Variants in KIF21A observed in about 807,000 individuals in gnomAD.
KIF21A encodes kinesin-like protein KIF21A.
Under a neutral mutation model 202.9 loss-of-function variants are expected in KIF21A, and 114 were observed. The ratio of observed to expected loss-of-function variants is 0.56; its 90% CI spans 0.48 to 0.66. KIF21A has a LOEUF of 0.66. Ranked by LOEUF, KIF21A falls within the 30% of genes least tolerant of loss-of-function variation. The pLI is 0.00. For synonymous variants in KIF21A, 667 were observed against 670.8 expected, an observed-to-expected ratio of 0.99 and a Z score of 0.09; for missense variants, 1,677 against 1,994.9, an observed-to-expected ratio of 0.84 and a Z score of 3.04.
Position 39,322,696 on chromosome 12 carries a change from G to GT in KIF21A, c.3642dup (p.Pro1215ThrfsTer6). On this transcript the variant is annotated frameshift_variant, in exon 27 of 38. Coordinates refer to ENST00000361418, the MANE Select transcript of KIF21A (RefSeq NM_001173464.2). LOFTEE classifies it high-confidence loss of function. Reference sequence around the variant, plus strand: ...CTGCCTATCTTAGAAGGTAAGCCAGGTGGGGGAGAGAGCTCTTTTTCCCTA... The same window carrying GT: ...CTGCCTATCTTAGAAGGTAAGCCAGGTTGGGGGAGAGAGCTCTTTTTCCCTA... The GT allele has an allele frequency of 6.2e-7, 1 of 1,614,098 alleles. No individual in the cohort carries two copies.
chr12:39,313,224 G>T (rs1944200847), intron 31 of KIF21A, among the ~76,000 whole-genome samples: 1 of 151,644 alleles, frequency 6.6e-6, no homozygotes, highest in Non-Finnish European at 1.5e-5. Context: ...TCAAAAAAAG[G>T]GACAAAACAT....
In KIF21A at chr12:39,303,112, A is replaced by G; in HGVS notation, c.4584T>C (p.Ala1528=). The part of the protein sequence containing the change: ...YIKMFDVTEG[A]LGTVSPTHNF... ...TGTGGGTGGGACTCACAGTCCCAAG[A>G]GCTCCTTCTGTAACATCAAACATCT... The change falls in exon 36 of 38, where the codon GCT becomes GCC. Residue 1528 remains alanine (A), a synonymous_variant. Coordinates refer to ENST00000361418, the MANE Select transcript of KIF21A (RefSeq NM_001173464.2). 6.2e-7 allele frequency: 1 copy of G among 1,614,070 alleles called. No individual in the cohort carries two copies. Among genetic ancestry groups the G allele is most frequent in the Non-Finnish European group, 8.5e-7 (1 of 1,179,960 alleles).
At chr12:39,384,426 C>G (rs1566082500) in intron 1 of KIF21A, among the ~76,000 whole-genome samples, 1 of 152,152 alleles carries the variant, frequency 6.6e-6, no homozygotes, top group Non-Finnish European at 1.5e-5. Flanking sequence ...GACAAGAAAG[C>G]TCGACAGAAG....
At chr12:39,349,296 T>A (rs775406219) in intron 11 of KIF21A, among the ~76,000 whole-genome samples, 15 of 152,202 alleles carry the variant, frequency 9.9e-5, no homozygotes, top group Non-Finnish European at 1.2e-4. Context: ...GCTGAGAAAT[T>A]TGGACATCAT....
intron 1 of KIF21A, among the ~76,000 whole-genome samples, chr12:39,434,577 G>C (rs568843191): frequency 3.7e-4 from 56 of 152,238 alleles, no homozygotes; most frequent in African/African-American, 1.2e-3. Context: ...TTTATCAGGG[G>C]TAAGAGTCTA....
chr12:39,411,789 G>A (rs956377461), intron 1 of KIF21A, among the ~76,000 whole-genome samples: 8 of 151,964 alleles, frequency 5.3e-5, no homozygotes, highest in African/African-American at 1.2e-4. Context: ...CTCCCTCTTC[G>A]GCTTCTCGAA....
chr12:39,357,831 C>A (rs1255283478), intron 8 of KIF21A, among the ~76,000 whole-genome samples: 1 of 139,474 alleles, frequency 7.2e-6, no homozygotes, highest in Non-Finnish European at 1.5e-5. Flanking sequence ...AATCATTTAA[C>A]CCGGGAGGCG....
intron 1 of KIF21A, among the ~76,000 whole-genome samples, chr12:39,377,207 A>G (rs1440463790): frequency 6.6e-6 from 1 of 152,144 alleles, no homozygotes; most frequent in Non-Finnish European, 1.5e-5. Flanking sequence ...CCTAGAGAAC[A>G]CCAATAAATC....
intron 1 of KIF21A, among the ~76,000 whole-genome samples, chr12:39,391,253 T>A (rs1457862144): frequency 6.6e-6 from 1 of 152,172 alleles, no homozygotes; most frequent in Non-Finnish European, 1.5e-5. Flanking sequence ...ATTTGGTTCT[T>A]AAGTTTTAGG....
At chr12:39,405,950 T>A (rs965033812) in intron 1 of KIF21A, among the ~76,000 whole-genome samples, 4 of 152,208 alleles carry the variant, frequency 2.6e-5, no homozygotes, top group African/African-American at 9.6e-5. Flanking sequence ...TTTTATTTTG[T>A]GTAGAAGAAA....
intron 21 of KIF21A, chr12:39,331,992 A>T (rs1233134049): frequency 4.5e-6 from 3 of 660,994 alleles, no homozygotes; most frequent in East Asian, 5.4e-5. Context: ...TCAAGGTGGG[A>T]TGTAAAGATG....
chr12:39,417,731 T>C (rs75103181), intron 1 of KIF21A, among the ~76,000 whole-genome samples: 7,897 of 152,076 alleles, frequency 0.052, 235 homozygotes, highest in Middle Eastern at 0.082. Context: ...GGTCAGGTAT[T>C]GAATAATTTA....
At chr12:39,420,494 A>T (rs1954163441) in intron 1 of KIF21A, among the ~76,000 whole-genome samples, 3 of 152,156 alleles carry the variant, frequency 2.0e-5, no homozygotes, top group Non-Finnish European at 4.4e-5. Context: ...TTAAAAAAAA[A>T]ATCTGCTCTT....
rs1461885716 is a variant in KIF21A at position 39,351,985 on chromosome 12, C to T, written c.1470-5G>A. On this transcript the variant is annotated splice_polypyrimidine_tract_variant and splice_region_variant and intron_variant, in intron 10 of 37. Coordinates refer to ENST00000361418, the MANE Select transcript of KIF21A (RefSeq NM_001173464.2). The stretch of plus-strand genomic sequence containing the variant: ...TCACTTTCTAATAATTTTGCCCTAG[C>T]AAATAAAAATATATTTAAATAGGGA... 1.2e-6 allele frequency: 2 copies of T among 1,606,794 alleles called. No individual in the cohort carries two copies. The highest frequency in any genetic ancestry group is 3.3e-5 in the Admixed American group (2 of 59,872).
intron 31 of KIF21A, chr12:39,312,629 T>C (rs1174764082): frequency 6.6e-6 from 1 of 151,960 alleles, no homozygotes. Flanking sequence ...TCTCATGTAC[T>C]CCATAAATAT....
chr12:39,355,706 A>ATT lies in KIF21A; in HGVS notation c.1469+1124_1469+1125dup, dbSNP rs1268273555. On this transcript the variant is annotated intron_variant, in intron 10 of 37. Coordinates refer to ENST00000361418, the MANE Select transcript of KIF21A (RefSeq NM_001173464.2). ...CTACCAAAAACATGAAGCATGAACA[A>ATT]TTATATATATATATATATATATATA... Among the ~76,000 whole-genome samples the ATT allele has an allele frequency of 4.4e-4, 27 of 62,066 alleles. 2 individuals are homozygous for ATT. The highest frequency in any genetic ancestry group is 2.2e-3 in the African/African-American group (17 of 7,858). The allele number at this position is 62,066 out of a possible 152,430, so 40.7% of individuals were successfully genotyped here. A position where few individuals can be genotyped will look rare whatever the true frequency, so the allele number is the denominator to read the frequency against.
At chr12:39,346,832 G>A (rs1269592360) in intron 11 of KIF21A, among the ~76,000 whole-genome samples, 1 of 151,716 alleles carries the variant, frequency 6.6e-6, no homozygotes, top group African/African-American at 2.4e-5. Flanking sequence ...TTAGTCTGAA[G>A]TGGGTCAATT....
chr12:39,436,422 T>TTTTTTA (rs1424497663), intron 1 of KIF21A, among the ~76,000 whole-genome samples: 3 of 99,110 alleles, frequency 3.0e-5, no homozygotes, highest in Admixed American at 2.3e-4. Context: ...GTTTACTATA[T>TTTTTTA]TATATATATA....
chr12:39,409,882 A>T (rs929164430), intron 1 of KIF21A, among the ~76,000 whole-genome samples: 5 of 149,942 alleles, frequency 3.3e-5, no homozygotes, highest in Non-Finnish European at 5.9e-5. Flanking sequence ...CCTAGGCTGG[A>T]GTGCAATGGC....
Sources: allele counts gnomAD v4.1 joint callset (sites outside exome capture counted in the v4.1 genomes callset), GRCh38; gene constraint gnomAD v4.1.1; transcripts MANE v1.5; gene names NCBI Gene and HGNC (gene_info 2026-07-23, HGNC 2026-07-21).